The following VWA5B1 variants were observed in gnomAD, a reference collection of about 807,000 sequenced individuals.
VWA5B1 encodes von Willebrand factor A domain containing 5B1, also known as von Willebrand factor A domain-containing protein 5B1.
A neutral mutation model predicts 118.2 loss-of-function variants in VWA5B1; 115 were observed. The observed-to-expected ratio is 0.97, with a 90% CI of 0.84 to 1.14. The LOEUF is 1.14. Among genes scored for constraint, VWA5B1 ranks in the 50% most tolerant of loss-of-function variants. VWA5B1 has a pLI of 0.00. For synonymous variants in VWA5B1, 682 were observed against 658.4 expected, an observed-to-expected ratio of 1.04 and a Z score of -0.55; for missense variants, 1,596 against 1,603.8, an observed-to-expected ratio of 1.00 and a Z score of 0.08.
At chr1:20,330,130 A>C in intron 9 of VWA5B1, 50 bp from the exon 10 acceptor site, 1 of 1,544,252 alleles carries the variant, frequency 6.5e-7, no homozygotes, top group Non-Finnish European at 8.8e-7. Flanking sequence ...TAGGTGGTCT[A>C]GAGTCTCTGT....
intron 13 of VWA5B1, 91 bp from the exon 14 acceptor site, chr1:20,337,555 G>A (rs1353471538): frequency 2.7e-5 from 38 of 1,383,720 alleles, no homozygotes; most frequent in East Asian, 7.6e-5. Flanking sequence ...GGTGGAGAAC[G>A]TGAGACACTT....
At chr1:20,342,020 A>G (rs1415769775) in intron 14 of VWA5B1, among the ~76,000 whole-genome samples, 1 of 152,198 alleles carries the variant, frequency 6.6e-6, no homozygotes, top group African/African-American at 2.4e-5. Context: ...CAAAAATTCT[A>G]GAATATTTTT....
At chr1:20,351,277 G>A (rs537070336) in intron 20 of VWA5B1, among the ~76,000 whole-genome samples, 26 of 152,178 alleles carry the variant, frequency 1.7e-4, no homozygotes, top group Non-Finnish European at 2.9e-4. Context: ...CCAGCACTTT[G>A]GGAGGCCGAG....
At chr1:20,325,857 G>T (rs1228559311) in intron 8 of VWA5B1, among the ~76,000 whole-genome samples, 2 of 152,122 alleles carry the variant, frequency 1.3e-5, no homozygotes, top group East Asian at 3.9e-4. Flanking sequence ...AGGTTGCTTG[G>T]GTCCTTAATT....
In VWA5B1 at chr1:20,311,748, A is replaced by G. The variant is rs539988068; in HGVS notation, c.139+1008A>G. On this transcript the variant is annotated intron_variant, in intron 2 of 21. Coordinates refer to ENST00000289815, the MANE Select transcript of VWA5B1 (RefSeq NM_001039500.3). ...CACCAACCTTTGGTGACCAAACCTCAGCCCCACCTGAGGTTCTGAAACCCC... is the reference window on the plus strand; with the variant it reads ...CACCAACCTTTGGTGACCAAACCTCGGCCCCACCTGAGGTTCTGAAACCCC... Among the ~76,000 whole-genome samples the G allele has an allele frequency of 2.0e-5, 3 of 152,262 alleles. No homozygotes were observed. The South Asian group carries it at 6.2e-4, about 32-fold the overall frequency.
chr1:20,319,611 A>G (rs568248283), intron 7 of VWA5B1, 105 bp downstream of exon 7: 4 of 1,475,878 alleles, frequency 2.7e-6, no homozygotes, highest in African/African-American at 2.8e-5. Context: ...GCCCGAGGTC[A>G]TCCAGCAAGC....
At chr1:20,345,694 C>G in intron 17 of VWA5B1, 101 bp downstream of exon 17, 2 of 1,419,380 alleles carry the variant, frequency 1.4e-6, no homozygotes, top group South Asian at 3.1e-5. Flanking sequence ...CAGCAGGGAG[C>G]GGGGTGAGAC....
intron 1 of VWA5B1, among the ~76,000 whole-genome samples, chr1:20,306,055 G>A (rs1308540824): frequency 6.6e-6 from 1 of 152,144 alleles, no homozygotes; most frequent in Non-Finnish European, 1.5e-5. Context: ...CTGCCCTTGT[G>A]GAAGGAGGCA....
chr1:20,323,638 T>C, intron 8 of VWA5B1, 106 bp downstream of exon 8: 1 of 1,214,364 alleles, frequency 8.2e-7, no homozygotes. Flanking sequence ...GAAACAACTT[T>C]TAAAAATCAG....
rs979034772 is a variant in VWA5B1, at chr1:20,330,763, G to A, written c.1458-106G>A. ...CCCTCTCCCTCTACCTGAATATAGGGCCAGCTCCAAGATCCTGCCAGACCA... is the reference window on the plus strand; with the variant it reads ...CCCTCTCCCTCTACCTGAATATAGGACCAGCTCCAAGATCCTGCCAGACCA... On this transcript the variant is annotated intron_variant, in intron 10 of 21. Coordinates refer to ENST00000289815, the MANE Select transcript of VWA5B1 (RefSeq NM_001039500.3). 6 of 1,159,590 alleles carry A rather than the reference G, an allele frequency of 5.2e-6. No homozygotes were observed. In the African/African-American group the frequency reaches 6.1e-5, roughly 12 times the overall value. The allele number at this position is 1,159,590 out of a possible 1,614,324, so 71.8% of individuals were successfully genotyped here.
chr1:20,350,994 T>G, intron 20 of VWA5B1, 68 bp downstream of exon 20: 1 of 1,483,518 alleles, frequency 6.7e-7, no homozygotes, highest in Non-Finnish European at 9.2e-7. Flanking sequence ...CCCTGGGGTT[T>G]TCCCTGACTT....
chr1:20,328,988 C>T (rs149215091), intron 9 of VWA5B1, among the ~76,000 whole-genome samples: 5 of 152,252 alleles, frequency 3.3e-5, no homozygotes, highest in South Asian at 4.1e-4. Context: ...ACTTTTCTAA[C>T]GCAGCAGTCT....
Position 20,345,544 on chromosome 1 carries a change from C to T in VWA5B1, c.2715C>T (p.Asp905=), listed in dbSNP as rs563935139. ...ISKYTAFVPV[D]VSKSRYLPTV... is the part of the protein sequence containing the mutation. Reference sequence around the variant, plus strand: ...AATACACAGCCTTCGTGCCTGTGGACGTGAGCAAGAGCCGGTACCTGCCCA... The same window carrying T: ...AATACACAGCCTTCGTGCCTGTGGATGTGAGCAAGAGCCGGTACCTGCCCA... The change falls in exon 17 of 22, where the codon GAC becomes GAT. Residue 905 remains aspartate, a synonymous_variant. Coordinates refer to ENST00000289815, the MANE Select transcript of VWA5B1 (RefSeq NM_001039500.3). 36 of 1,551,132 alleles carry T rather than the reference C, an allele frequency of 2.3e-5. No homozygotes were observed. Among genetic ancestry groups the T allele is most frequent in the South Asian group, 3.6e-5 (3 of 84,050 alleles).
intron 16 of VWA5B1, 41 bp from the exon 17 acceptor site, chr1:20,345,415 T>A: frequency 6.5e-7 from 1 of 1,550,326 alleles, no homozygotes; most frequent in Non-Finnish European, 8.7e-7. Context: ...CAGGGAAGAC[T>A]TTCTGAGTCC....
At position 20,343,315 on chromosome 1, in the gene VWA5B1, A is replaced by T; in HGVS notation, c.2548A>T (p.Thr850Ser). The T allele has an allele frequency of 1.3e-6, 2 of 1,545,056 alleles. No homozygotes were observed. The highest frequency in any genetic ancestry group is 1.7e-6 in the Non-Finnish European group (2 of 1,145,892). The change falls in exon 16 of 22, where the codon ACC becomes TCC. Residue 850 changes from threonine (T) to serine (S), a missense_variant. Thr to Ser is a moderately conservative substitution (Grantham distance 58). Transcript: ENST00000289815. ...GCAGGATGCCGACCTATGGAGCGAGACCTTCCACCACCTGGCGGCCCGCGC... is the reference window on the plus strand; with the variant it reads ...GCAGGATGCCGACCTATGGAGCGAGTCCTTCCACCACCTGGCGGCCCGCGC... ...GAQDADLWSE[T>S]FHHLAARAII...
In VWA5B1 at chr1:20,342,841, ACTATCTGGCCCC is replaced by A. The variant is rs2089911846; in HGVS notation, c.2311+235_2312-224del. On this transcript the variant is annotated intron_variant, in intron 15 of 21. Transcript: ENST00000289815. ...TCTCTGTGCCCCTGTCCCACCCCAT[ACTATCTGGCCCC>A]CTCAGGCACTGGCTTCCTGGGAGGC... 4.6e-5 allele frequency among the ~76,000 whole-genome samples: 7 copies of A among 152,010 alleles called. 1 individual carries two copies. In the South Asian group the frequency reaches 1.5e-3, roughly 32 times the overall value.
chr1:20,297,090 G>C (rs995386043), intron 1 of VWA5B1, among the ~76,000 whole-genome samples: 2 of 152,174 alleles, frequency 1.3e-5, no homozygotes, highest in Non-Finnish European at 2.9e-5. Flanking sequence ...AAAGATCTCT[G>C]TCTTCCTAGA....
At chr1:20,322,782 C>CT (rs1232343267) in intron 7 of VWA5B1, among the ~76,000 whole-genome samples, 1 of 152,186 alleles carries the variant, frequency 6.6e-6, no homozygotes, top group African/African-American at 2.4e-5. Flanking sequence ...GGTATGTCTT[C>CT]TTGTCCTCAT....
rs562016564 is a variant in VWA5B1, at chr1:20,356,599, G to A, written c.*2336G>A. Among the ~76,000 whole-genome samples, 1 of 152,304 alleles carries A rather than the reference G, an allele frequency of 6.6e-6. No homozygotes were observed. Among genetic ancestry groups the A allele is most frequent in the Admixed American group, 6.5e-5 (1 of 15,306 alleles). On this transcript the variant is annotated 3_prime_UTR_variant, in exon 22 of 22. Coordinates refer to ENST00000289815, the MANE Select transcript of VWA5B1 (RefSeq NM_001039500.3). ...TAGTGCTACAAGATGCCTAGCAGGA[G>A]CAACCAAGAAATCCAGCAAGGTGGT... is the stretch of plus-strand genomic sequence containing the variant.
Sources: gnomAD v4.1 joint callset for allele counts (sites outside exome capture counted in the v4.1 genomes callset) on GRCh38, gnomAD v4.1.1 for gene constraint, MANE v1.5 for transcripts, NCBI Gene and HGNC (gene_info 2026-07-23, HGNC 2026-07-21) for gene names.